Variants in RPS6KC1 observed in about 807,000 individuals in gnomAD.
RPS6KC1 encodes the protein inactive ribosomal protein S6 kinase delta-1.
A neutral mutation model predicts 103.8 loss-of-function variants in RPS6KC1; 54 were observed. That is an observed-to-expected ratio of 0.52 (90% CI 0.42 to 0.65). The LOEUF is 0.65. Ranked by LOEUF, RPS6KC1 falls within the 30% of genes least tolerant of loss-of-function variation. RPS6KC1 has a pLI of 0.00. For missense variants in RPS6KC1, 1,151 were observed against 1,253.8 expected (o/e 0.92, Z 1.24); for synonymous variants, 439 against 438.7 (o/e 1.00, Z -0.01).
At chr1:213,757,295 A>T in the RPS6KC1 span, among the ~76,000 whole-genome samples, 4 of 152,202 alleles carry the variant, frequency 2.6e-5, no homozygotes, top group African/African-American at 9.6e-5. Flanking sequence ...CCAAGTTGTG[A>T]ATACAAAAGA....
At chr1:213,405,799 A>G in the RPS6KC1 span, among the ~76,000 whole-genome samples, 1 of 152,176 alleles carries the variant, frequency 6.6e-6, no homozygotes, top group Non-Finnish European at 1.5e-5. Context: ...AAGAGCGTGT[A>G]TCCAGACAGA....
the RPS6KC1 span, among the ~76,000 whole-genome samples, chr1:213,762,425 G>T: frequency 1.3e-5 from 2 of 152,168 alleles, no homozygotes; most frequent in African/African-American, 2.4e-5. Flanking sequence ...TCCCATAAAT[G>T]TTGTTGAATG....
chr1:213,096,063 A>C lies in RPS6KC1; in HGVS notation c.263-8391A>C, dbSNP rs1288219383. On this transcript the variant is annotated intron_variant, in intron 3 of 14. Coordinates refer to ENST00000366960, the MANE Select transcript of RPS6KC1 (RefSeq NM_012424.6). The stretch of plus-strand genomic sequence containing the variant: ...TTACCTACAGTAGAACTTCTTTCAG[A>C]ATTGGAGTCAGTCCTCTCAGATCCT... Among the ~76,000 whole-genome samples the C allele has an allele frequency of 3.9e-5, 6 of 152,340 alleles. No individual in the cohort carries two copies. In the South Asian group the frequency reaches 1.0e-3, roughly 26 times the overall value.
chr1:213,787,920 AG>A, the RPS6KC1 span, among the ~76,000 whole-genome samples: 1 of 152,186 alleles, frequency 6.6e-6, no homozygotes, highest in South Asian at 2.1e-4. Flanking sequence ...CACAATAATG[AG>A]GGAGTGGAGG....
chr1:213,507,247 A>G, the RPS6KC1 span, among the ~76,000 whole-genome samples: 2 of 152,150 alleles, frequency 1.3e-5, no homozygotes, highest in African/African-American at 2.4e-5. Flanking sequence ...CTTGCCAGGT[A>G]CTACCAACCC....
chr1:213,132,621 A>T (rs1017918051), intron 6 of RPS6KC1, among the ~76,000 whole-genome samples: 49 of 152,238 alleles, frequency 3.2e-4, no homozygotes, highest in African/African-American at 1.2e-3. Flanking sequence ...TTCAGAAGAG[A>T]TGTTTCCTTG....
At chr1:213,325,993 C>T in the RPS6KC1 span, among the ~76,000 whole-genome samples, 3 of 152,194 alleles carry the variant, frequency 2.0e-5, no homozygotes, top group African/African-American at 4.8e-5. Context: ...GTTTCTCCCA[C>T]CCCTCAGCTC....
At chr1:213,554,013 G>T in the RPS6KC1 span, among the ~76,000 whole-genome samples, 5 of 151,978 alleles carry the variant, frequency 3.3e-5, no homozygotes, top group African/African-American at 1.2e-4. Context: ...CTTTTGCTTT[G>T]CAAAAGCTCT....
chr1:213,278,834 G>C (rs950252432), downstream of RPS6KC1, among the ~76,000 whole-genome samples: 1 of 152,168 alleles, frequency 6.6e-6, no homozygotes, highest in Non-Finnish European at 1.5e-5. Flanking sequence ...AAGCCTTCCT[G>C]TATAGGAGCA....
chr1:213,362,441 A>G, the RPS6KC1 span, among the ~76,000 whole-genome samples: 2 of 152,204 alleles, frequency 1.3e-5, no homozygotes, highest in African/African-American at 2.4e-5. Flanking sequence ...TCTATGAGAT[A>G]GAATTGCTCC....
the RPS6KC1 span, among the ~76,000 whole-genome samples, chr1:213,669,117 A>G: frequency 1.3e-5 from 2 of 152,100 alleles, no homozygotes; most frequent in Non-Finnish European, 2.9e-5. Flanking sequence ...TCCTTCAAGA[A>G]CTTTTCCTTT....
At chr1:213,740,459 T>C in the RPS6KC1 span, among the ~76,000 whole-genome samples, 3 of 152,128 alleles carry the variant, frequency 2.0e-5, no homozygotes, top group African/African-American at 7.2e-5. Flanking sequence ...AACTCTTTGC[T>C]GGCATTTGCA....
chr1:213,410,513 G>T, the RPS6KC1 span, among the ~76,000 whole-genome samples: 1 of 152,178 alleles, frequency 6.6e-6, no homozygotes, highest in African/African-American at 2.4e-5. Flanking sequence ...AAAATATCAA[G>T]AAAGGTTGTT....
chr1:213,185,668 T>A lies in RPS6KC1; in HGVS notation c.1044+9176T>A, dbSNP rs548839641. On this transcript the variant is annotated intron_variant, in intron 8 of 14. Coordinates refer to ENST00000366960, the MANE Select transcript of RPS6KC1 (RefSeq NM_012424.6). ...CTCTGTCTCAAAAAGAAAAAAAAAA[T>A]TTAAATTCAGTATTATTATTATTAT... Among the ~76,000 whole-genome samples, 99 of 151,820 alleles carry A rather than the reference T, an allele frequency of 6.5e-4. 1 individual carries two copies. Among genetic ancestry groups the A allele is most frequent in the African/African-American group, 1.8e-3 (75 of 41,456 alleles).
the RPS6KC1 span, among the ~76,000 whole-genome samples, chr1:213,414,725 A>C: frequency 1.3e-5 from 2 of 151,972 alleles, no homozygotes; most frequent in East Asian, 3.9e-4. Context: ...CTGATGGATA[A>C]ATGGAGTAAA....
At chr1:213,051,780 A>G (rs1418755639) in intron 1 of RPS6KC1, among the ~76,000 whole-genome samples, 7 of 152,260 alleles carry the variant, frequency 4.6e-5, no homozygotes, top group Non-Finnish European at 7.4e-5. Flanking sequence ...TTGATGACTC[A>G]GTTCCCATCC....
At chr1:213,545,673 G>C in the RPS6KC1 span, among the ~76,000 whole-genome samples, 1 of 151,880 alleles carries the variant, frequency 6.6e-6, no homozygotes, top group Non-Finnish European at 1.5e-5. Context: ...GAGGTACTGG[G>C]GGGTTAGGAC....
At chr1:213,862,080 C>T in the RPS6KC1 span, among the ~76,000 whole-genome samples, 6 of 152,230 alleles carry the variant, frequency 3.9e-5, no homozygotes, top group East Asian at 1.9e-4. Flanking sequence ...CCAGCATACC[C>T]GGGGCAGGCA....
the RPS6KC1 span, among the ~76,000 whole-genome samples, chr1:213,697,268 C>T: frequency 2.0e-5 from 3 of 151,980 alleles, no homozygotes; most frequent in Non-Finnish European, 2.9e-5. Flanking sequence ...TCAGTGGGAG[C>T]GAGGTGGAAG....
Sources: allele counts gnomAD v4.1 joint callset (sites outside exome capture counted in the v4.1 genomes callset), GRCh38; gene constraint gnomAD v4.1.1; transcripts MANE v1.5; gene names NCBI Gene and HGNC (gene_info 2026-07-23, HGNC 2026-07-21).